Variants in WDPCP observed in about 807,000 individuals in gnomAD.
WDPCP encodes the protein WD repeat containing planar cell polarity effector.
A neutral mutation model predicts 93.1 loss-of-function variants in WDPCP; 71 were observed. That is an observed-to-expected ratio of 0.76 (90% CI 0.63 to 0.93). WDPCP has a LOEUF of 0.93. Ranked by LOEUF, WDPCP falls within the 40% of genes least tolerant of loss-of-function variation. WDPCP has a pLI of 0.00. For synonymous variants in WDPCP, 315 were observed against 315.0 expected, an observed-to-expected ratio of 1.00 and a Z score of 0.00; for missense variants, 844 against 887.4, an observed-to-expected ratio of 0.95 and a Z score of 0.62.
intron 2 of WDPCP, chr2:63,752,626 T>C (rs1669902812): frequency 8.1e-6 from 4 of 491,914 alleles, no homozygotes; most frequent in African/African-American, 7.7e-5. Context: ...GATTTAGACA[T>C]GACGGTGGCG....
chr2:63,520,880 G>A lies in WDPCP; in HGVS notation c.76-27940C>T, dbSNP rs530714063. Among the ~76,000 whole-genome samples the A allele has an allele frequency of 4.8e-5, 7 of 145,870 alleles. No individual in the cohort carries two copies. In the Admixed American group the frequency reaches 4.8e-4, roughly 10 times the overall value. Reference sequence around the variant, plus strand: ...CCACGGCACATCAGCCTGGGCAATGGAGTGAGACCCTATCTCAAAAAAAAA... The same window carrying A: ...CCACGGCACATCAGCCTGGGCAATGAAGTGAGACCCTATCTCAAAAAAAAA... On this transcript the variant is annotated intron_variant, in intron 1 of 17. Coordinates refer to ENST00000272321, the MANE Select transcript of WDPCP (RefSeq NM_015910.7).
chr2:63,731,498 A>C (rs1273947226), intron 2 of WDPCP, among the ~76,000 whole-genome samples: 3 of 152,178 alleles, frequency 2.0e-5, no homozygotes, highest in Non-Finnish European at 4.4e-5. Context: ...CCACAAGGCA[A>C]CCCTGTACCC....
chr2:63,282,817 A>G (rs1683673598), intron 13 of WDPCP, among the ~76,000 whole-genome samples: 1 of 152,132 alleles, frequency 6.6e-6, no homozygotes, highest in Non-Finnish European at 1.5e-5. Context: ...AGAATACCAA[A>G]ATCTACTGAT....
intron 1 of WDPCP, among the ~76,000 whole-genome samples, chr2:63,582,445 T>C (rs745334609): frequency 5.9e-5 from 9 of 152,088 alleles, no homozygotes; most frequent in Non-Finnish European, 1.2e-4. Context: ...TCAAAATACA[T>C]ATAACTGTCA....
chr2:63,800,021 G>A (rs1315718368), intron 2 of WDPCP, among the ~76,000 whole-genome samples: 1 of 151,590 alleles, frequency 6.6e-6, no homozygotes, highest in Non-Finnish European at 1.5e-5. Flanking sequence ...TTCTTCCTTG[G>A]TTAAAAAAAA....
intron 6 of WDPCP, chr2:63,442,782 T>C (rs974004593): frequency 8.5e-5 from 13 of 152,186 alleles, no homozygotes; most frequent in Non-Finnish European, 1.6e-4. Context: ...TCACCACTGC[T>C]CTCATGAAAT....
At chr2:63,133,018 C>T (rs780090827) in intron 17 of WDPCP, among the ~76,000 whole-genome samples, 1 of 152,198 alleles carries the variant, frequency 6.6e-6, no homozygotes, top group Non-Finnish European at 1.5e-5. Context: ...GGCTCTTTGC[C>T]ATGGAAGTCC....
intron 14 of WDPCP, among the ~76,000 whole-genome samples, chr2:63,231,086 G>T (rs545163111): frequency 3.7e-4 from 57 of 152,238 alleles, no homozygotes; most frequent in African/African-American, 1.3e-3. Flanking sequence ...TGCAAGGCTG[G>T]TTCAATATAT....
chr2:63,374,714 A>G (rs1307403500), intron 12 of WDPCP, among the ~76,000 whole-genome samples: 1 of 152,184 alleles, frequency 6.6e-6, no homozygotes, highest in African/African-American at 2.4e-5. Flanking sequence ...TGACTCCAGT[A>G]TATTATCCGC....
intron 1 of WDPCP, among the ~76,000 whole-genome samples, chr2:63,577,676 G>C (rs1207423580): frequency 4.0e-5 from 6 of 151,854 alleles, no homozygotes; most frequent in Admixed American, 3.3e-4. Context: ...AAGCTCCCTG[G>C]TATATCCCCT....
At chr2:63,809,774 C>A (rs1002108834) in intron 2 of WDPCP, among the ~76,000 whole-genome samples, 1 of 152,078 alleles carries the variant, frequency 6.6e-6, no homozygotes, top group African/African-American at 2.4e-5. Context: ...ACAAACACTG[C>A]GGAAGGCCGC....
chr2:63,625,309 T>C (rs1053147311), intron 3 of WDPCP, among the ~76,000 whole-genome samples: 6 of 152,092 alleles, frequency 3.9e-5, no homozygotes, highest in Non-Finnish European at 5.9e-5. Context: ...CTATTCAACA[T>C]ATTGGAAGTT....
chr2:63,837,421 T>C, the WDPCP span, among the ~76,000 whole-genome samples: 1 of 152,202 alleles, frequency 6.6e-6, no homozygotes, highest in African/African-American at 2.4e-5. Context: ...GGAGCCAATA[T>C]TGAGTATGGG....
At chr2:63,709,400 T>C (rs1669226374) in intron 2 of WDPCP, among the ~76,000 whole-genome samples, 1 of 152,270 alleles carries the variant, frequency 6.6e-6, no homozygotes, top group Admixed American at 6.5e-5. Context: ...GGTGGTATTA[T>C]CATATTTGAC....
At chr2:63,585,329 C>T (rs1321774995) in intron 1 of WDPCP, among the ~76,000 whole-genome samples, 2 of 152,106 alleles carry the variant, frequency 1.3e-5, no homozygotes, top group Non-Finnish European at 2.9e-5. Context: ...TCCTGCATGT[C>T]ACTTAAGCCA....
intron 14 of WDPCP, among the ~76,000 whole-genome samples, chr2:63,195,655 T>G (rs1256828381): frequency 2.0e-5 from 3 of 151,820 alleles, no homozygotes; most frequent in African/African-American, 4.8e-5. Context: ...TAAAAAAAAG[T>G]TTTTGGAGGT....
chr2:63,195,593 T>C (rs931282485), intron 14 of WDPCP, among the ~76,000 whole-genome samples: 1 of 152,096 alleles, frequency 6.6e-6, no homozygotes, highest in Non-Finnish European at 1.5e-5. Context: ...CAAAGGGTTA[T>C]AGGCGTGAGC....
In WDPCP at chr2:63,404,188, A is replaced by G. The variant is rs758480274; in HGVS notation, c.1295T>C (p.Phe432Ser). 2.0e-5 allele frequency: 32 copies of G among 1,614,066 alleles called. No individual in the cohort carries two copies. The South Asian group carries it at 2.7e-4, about 14-fold the overall frequency. The change falls in exon 10 of 18, where the codon TTT becomes TCT. Residue 432 changes from phenylalanine to serine, a missense_variant. By Grantham distance (155) the Phe-to-Ser change is radical. Coordinates refer to ENST00000272321, the MANE Select transcript of WDPCP (RefSeq NM_015910.7). ...PRETLQFSKL[F>S]DASSSLVQMQ... The stretch of plus-strand genomic sequence containing the variant: ...TTGAACAAGACTGCTGGAGGCATCA[A>G]ATAATTTACTGAATTGCAGAGTCTC...
At chr2:63,165,213 C>A (rs1672877486) in intron 15 of WDPCP, among the ~76,000 whole-genome samples, 1 of 152,094 alleles carries the variant, frequency 6.6e-6, no homozygotes, top group Admixed American at 6.5e-5. Flanking sequence ...GTGAGTGTCC[C>A]TCAATTCCTG....
Sources: gnomAD v4.1 joint callset for allele counts (sites outside exome capture counted in the v4.1 genomes callset) on GRCh38, gnomAD v4.1.1 for gene constraint, MANE v1.5 for transcripts, NCBI Gene and HGNC (gene_info 2026-07-23, HGNC 2026-07-21) for gene names.